CCDC171: variants seen among roughly 807,000 people sequenced by gnomAD.
CCDC171 encodes the protein coiled-coil domain-containing protein 171.
A neutral mutation model predicts 168.2 loss-of-function variants in CCDC171; 177 were observed. The ratio of observed to expected loss-of-function variants is 1.05; its 90% CI spans 0.93 to 1.19. CCDC171 has a LOEUF of 1.19. Ranked by LOEUF, CCDC171 falls within the 50% of genes most tolerant of loss-of-function variation. The pLI, the probability that CCDC171 is intolerant of heterozygous loss-of-function variation, is 0.00. For missense variants in CCDC171, 1,991 were observed against 1,539.0 expected, an observed-to-expected ratio of 1.29 and a Z score of -4.91; for synonymous variants, 687 against 540.8, an observed-to-expected ratio of 1.27 and a Z score of -3.75.
intron 1 of CCDC171, among the ~76,000 whole-genome samples, chr9:16,054,890 A>T (rs1460677136): frequency 6.6e-6 from 1 of 152,172 alleles, no homozygotes; most frequent in Non-Finnish European, 1.5e-5. Flanking sequence ...CCCCACACAC[A>T]TATATCCAAA....
At chr9:15,719,111 C>A (rs1005363915) in intron 11 of CCDC171, among the ~76,000 whole-genome samples, 2 of 151,500 alleles carry the variant, frequency 1.3e-5, no homozygotes, top group African/African-American at 4.9e-5. Context: ...ATTCAAAATC[C>A]TATCAGATAA....
At chr9:15,579,881 A>G (rs879497172) in intron 4 of CCDC171, among the ~76,000 whole-genome samples, 8 of 152,212 alleles carry the variant, frequency 5.3e-5, no homozygotes, top group Non-Finnish European at 1.2e-4. Flanking sequence ...GCATTTGAGT[A>G]GTGTCCAATT....
rs554755960 is a variant in CCDC171 at position 15,792,177 on chromosome 9, C to T, written c.3267+7483C>T. Among the ~76,000 whole-genome samples, 64 of 152,288 alleles carry T rather than the reference C, an allele frequency of 4.2e-4. 1 individual carries two copies. The South Asian group carries it at 9.5e-3, about 23-fold the overall frequency. On this transcript the variant is annotated intron_variant, in intron 21 of 25. Coordinates refer to ENST00000380701, the MANE Select transcript of CCDC171 (RefSeq NM_173550.4). Reference sequence around the variant, plus strand: ...TGGCACAAGAACTACGTGATGAATGCACAAGCTTCAGTAGCTGATTTGATC... The same window carrying T: ...TGGCACAAGAACTACGTGATGAATGTACAAGCTTCAGTAGCTGATTTGATC...
chr9:15,643,933 A>G (rs2046834767), intron 7 of CCDC171, among the ~76,000 whole-genome samples: 1 of 152,190 alleles, frequency 6.6e-6, no homozygotes, highest in African/African-American at 2.4e-5. Flanking sequence ...GCTGGATAAT[A>G]TTCCATTCTA....
At chr9:15,755,919 AT>A (rs1163186307) in intron 18 of CCDC171, among the ~76,000 whole-genome samples, 1 of 152,214 alleles carries the variant, frequency 6.6e-6, no homozygotes, top group Non-Finnish European at 1.5e-5. Flanking sequence ...CAAAACATTG[AT>A]TTGTATACTT....
At chr9:15,723,767 T>C (rs1005719287) in intron 13 of CCDC171, 21 bp downstream of exon 13, 6 of 1,201,538 alleles carry the variant, frequency 5.0e-6, no homozygotes, top group East Asian at 2.5e-5. Flanking sequence ...GAATAACTTT[T>C]ACCTTTTGTA....
chr9:15,573,304 C>T (rs750757091), intron 3 of CCDC171, among the ~76,000 whole-genome samples: 1 of 152,004 alleles, frequency 6.6e-6, no homozygotes, highest in African/African-American at 2.4e-5. Flanking sequence ...GAGACGAAGT[C>T]TCGCTCTGTC....
chr9:15,960,924 T>G (rs1019973669), intron 25 of CCDC171, among the ~76,000 whole-genome samples: 1 of 152,116 alleles, frequency 6.6e-6, no homozygotes, highest in Non-Finnish European at 1.5e-5. Context: ...GCTTGCAGCA[T>G]TCCACGAAGA....
intron 6 of CCDC171, among the ~76,000 whole-genome samples, chr9:15,613,697 G>A (rs2043877366): frequency 6.6e-6 from 1 of 151,640 alleles, no homozygotes; most frequent in Admixed American, 6.6e-5. Context: ...TAATTTTTTT[G>A]TATTTTTAGT....
intron 11 of CCDC171, among the ~76,000 whole-genome samples, chr9:15,701,614 C>T (rs2051749013): frequency 7.0e-6 from 1 of 143,208 alleles, no homozygotes; most frequent in Non-Finnish European, 1.5e-5. Context: ...GAGTATCGCA[C>T]TGTTGTCCGG....
intron 1 of CCDC171, among the ~76,000 whole-genome samples, chr9:16,059,462 G>A (rs1833894750): frequency 6.6e-6 from 1 of 151,654 alleles, no homozygotes; most frequent in African/African-American, 2.4e-5. Context: ...GGGGACACTG[G>A]GCTTTTTGCT....
chr9:15,610,443 C>CAAAAAAAA (rs1434025203), intron 6 of CCDC171, among the ~76,000 whole-genome samples: 1 of 13,608 alleles, frequency 7.3e-5, no homozygotes, highest in Non-Finnish European at 1.2e-4. Flanking sequence ...CCCATCTCAA[C>CAAAAAAAA]TAAAAAAAAA....
intron 21 of CCDC171, among the ~76,000 whole-genome samples, chr9:15,812,475 G>A (rs1563787832): frequency 6.6e-6 from 1 of 152,144 alleles, no homozygotes; most frequent in African/African-American, 2.4e-5. Context: ...GACTAAAATT[G>A]CCTTATAGTC....
intron 25 of CCDC171, among the ~76,000 whole-genome samples, chr9:15,951,150 C>CT (rs1031198227): frequency 6.6e-6 from 1 of 150,612 alleles, no homozygotes; most frequent in Non-Finnish European, 1.5e-5. Flanking sequence ...TACAAAGAGA[C>CT]TTAGACTCCT....
chr9:15,917,166 C>A (rs909370975), intron 24 of CCDC171, among the ~76,000 whole-genome samples: 2 of 151,858 alleles, frequency 1.3e-5, no homozygotes, highest in African/African-American at 4.8e-5. Flanking sequence ...TAGTTTGAAT[C>A]ACTTATTAAT....
chr9:15,882,871 T>C (rs1027334339), intron 24 of CCDC171, among the ~76,000 whole-genome samples: 1 of 151,358 alleles, frequency 6.6e-6, no homozygotes, highest in African/African-American at 2.4e-5. Context: ...TTTGTTTGTT[T>C]GATGGTGGTG....
chr9:15,561,600 C>G (rs140511969), intron 1 of CCDC171, among the ~76,000 whole-genome samples: 2 of 151,978 alleles, frequency 1.3e-5, no homozygotes, highest in African/African-American at 4.8e-5. Context: ...CTTGACTGTC[C>G]TCATCATTCC....
At chr9:15,568,861 T>A (rs558557310) in intron 2 of CCDC171, among the ~76,000 whole-genome samples, 2 of 152,190 alleles carry the variant, frequency 1.3e-5, no homozygotes, top group African/African-American at 4.8e-5. Flanking sequence ...GTTTAAACTG[T>A]TGATAGTTTC....
chr9:15,647,429 A>T (rs1429227203), intron 7 of CCDC171, among the ~76,000 whole-genome samples: 1 of 152,206 alleles, frequency 6.6e-6, no homozygotes, highest in Non-Finnish European at 1.5e-5. Flanking sequence ...AGACACAAAA[A>T]ACCCTTCAAA....
Sources: gnomAD v4.1 joint callset for allele counts (sites outside exome capture counted in the v4.1 genomes callset) on GRCh38, gnomAD v4.1.1 for gene constraint, MANE v1.5 for transcripts, NCBI Gene and HGNC (gene_info 2026-07-23, HGNC 2026-07-21) for gene names.